Variants in NXNL2 observed in about 807,000 individuals in gnomAD.
NXNL2 encodes the protein nucleoredoxin-like protein 2.
In NXNL2, 7 loss-of-function variants were observed where a neutral mutation model predicts 11.1. The ratio of observed to expected loss-of-function variants is 0.63; its 90% CI spans 0.36 to 1.18. The LOEUF is 1.18. Ranked by LOEUF, NXNL2 falls within the 50% of genes most tolerant of loss-of-function variation. NXNL2 has a pLI of 0.02. For missense variants in NXNL2, 233 were observed against 217.7 expected, an observed-to-expected ratio of 1.07 and a Z score of -0.44; for synonymous variants, 109 against 101.8, an observed-to-expected ratio of 1.07 and a Z score of -0.42.
intron 1 of NXNL2, among the ~76,000 whole-genome samples, chr9:88,566,995 T>TCTATCTAC (rs1554706807): frequency 5.6e-4 from 84 of 150,402 alleles, no homozygotes; most frequent in South Asian, 4.7e-3. Flanking sequence ...TATCTATCTA[T>TCTATCTAC]CTATCTATCT....
At chr9:88,552,472 T>TG (rs1554705640) in intron 1 of NXNL2, among the ~76,000 whole-genome samples, 2 of 128,038 alleles carry the variant, frequency 1.6e-5, no homozygotes, top group African/African-American at 3.6e-5. Flanking sequence ...TAAACATGCA[T>TG]GTTTTTTTTT....
rs563758266 is a variant in NXNL2, at chr9:88,565,585, T to C, written c.303-5502T>C. 1.4e-3 allele frequency among the ~76,000 whole-genome samples: 206 copies of C among 152,338 alleles called. 2 individuals carry two copies. Among genetic ancestry groups the C allele is most frequent in the African/African-American group, 4.5e-3 (188 of 41,584 alleles). On this transcript the variant is annotated intron_variant, in intron 1 of 2. Coordinates refer to the NXNL2 transcript ENST00000375855. ...GAGTCCTTCTCTGTCTTGCCCAGGC[T>C]GGAGTGCAGTGGCATGATCTTGGCT... is the stretch of plus-strand genomic sequence containing the variant.
chr9:88,540,437 G>C (rs534803502), intron 1 of NXNL2, among the ~76,000 whole-genome samples: 1 of 151,116 alleles, frequency 6.6e-6, no homozygotes, highest in Admixed American at 6.6e-5. Flanking sequence ...GACCTGTCCA[G>C]GCTCCATCTG....
downstream of NXNL2, among the ~76,000 whole-genome samples, chr9:88,580,000 T>A (rs775563339): frequency 6.6e-6 from 1 of 151,640 alleles, no homozygotes; most frequent in African/African-American, 2.4e-5. Flanking sequence ...ATTAGCCGGG[T>A]GTGGTGGCAC....
chr9:88,535,833 C>G (rs947573037), intron 1 of NXNL2, 97 bp downstream of exon 1: 12 of 907,452 alleles, frequency 1.3e-5, no homozygotes, highest in Non-Finnish European at 1.9e-5. Flanking sequence ...TTTATGACGC[C>G]CCCCCCCAAC....
chr9:88,535,835 C>T (rs1462061588), intron 1 of NXNL2, 99 bp downstream of exon 1: 2 of 876,154 alleles, frequency 2.3e-6, no homozygotes, highest in African/African-American at 1.7e-5. Flanking sequence ...TATGACGCCC[C>T]CCCCCAACAC....
chr9:88,538,769 A>G (rs1829685858), intron 1 of NXNL2, among the ~76,000 whole-genome samples: 1 of 152,180 alleles, frequency 6.6e-6, no homozygotes, highest in South Asian at 2.1e-4. Flanking sequence ...CACAGTAAGA[A>G]CAGCTAGCAT....
intron 1 of NXNL2, among the ~76,000 whole-genome samples, chr9:88,550,466 TGTAAGG>T (rs1829915244): frequency 6.6e-6 from 1 of 152,160 alleles, no homozygotes; most frequent in African/African-American, 2.4e-5. Flanking sequence ...ATGGCTTACA[TGTAAGG>T]GTTTTTAAAG....
At chr9:88,550,961 C>G (rs2118457865) in intron 1 of NXNL2, among the ~76,000 whole-genome samples, 1 of 152,280 alleles carries the variant, frequency 6.6e-6, no homozygotes, top group Middle Eastern at 3.4e-3. Flanking sequence ...ATTTACTTCT[C>G]AAGGCTGGGT....
intron 1 of NXNL2, among the ~76,000 whole-genome samples, chr9:88,558,416 CT>C (rs900369758): frequency 2.6e-5 from 4 of 152,164 alleles, no homozygotes; most frequent in African/African-American, 9.7e-5. Context: ...CTCAGACATC[CT>C]TACATAATCT....
At chr9:88,580,507 T>G (rs1239736276), downstream of NXNL2, among the ~76,000 whole-genome samples, 1 of 152,208 alleles carries the variant, frequency 6.6e-6, no homozygotes, top group Non-Finnish European at 1.5e-5. Context: ...TGGTGGGAGC[T>G]TCTCTCTTTT....
rs189600569 is a variant in NXNL2, at chr9:88,572,064, C to T, written c.*16+856C>T. On this transcript the variant is annotated intron_variant, in intron 2 of 2. Coordinates refer to the NXNL2 transcript ENST00000375855. ...CACGTGCCCAGAGAAGGCGGTTTCT[C>T]CCTCCCTCAGTCCCCCATAGCCCAC... 4.5e-3 allele frequency among the ~76,000 whole-genome samples: 686 copies of T among 152,252 alleles called. 3 individuals carry two copies. Among genetic ancestry groups the T allele is most frequent in the Middle Eastern group, 0.017 (5 of 294 alleles).
intron 1 of NXNL2, among the ~76,000 whole-genome samples, chr9:88,581,709 G>A (rs1169977414): frequency 6.6e-6 from 1 of 152,132 alleles, no homozygotes. Flanking sequence ...GCCCACCTCG[G>A]CCTCCCAAAG....
chr9:88,548,263 C>A (rs1199226238), downstream of NXNL2, among the ~76,000 whole-genome samples: 1 of 138,012 alleles, frequency 7.2e-6, no homozygotes. Flanking sequence ...TGCTTGAACC[C>A]AGGAGGTGGA....
At chr9:88,559,858 G>C (rs897528285) in intron 1 of NXNL2, among the ~76,000 whole-genome samples, 1 of 152,194 alleles carries the variant, frequency 6.6e-6, no homozygotes, top group Non-Finnish European at 1.5e-5. Flanking sequence ...AAGCCACCAA[G>C]TGGCAGGTTT....
chr9:88,545,049 C>T (rs1829829355), downstream of NXNL2: 2 of 209,112 alleles, frequency 9.6e-6, no homozygotes, highest in Admixed American at 1.3e-4. Flanking sequence ...TGACAAATAC[C>T]ATGCTTAAAT....
chr9:88,556,131 G>T (rs115367543), intron 1 of NXNL2, among the ~76,000 whole-genome samples: 4,000 of 152,246 alleles, frequency 0.026, 188 homozygotes, highest in African/African-American at 0.088. Flanking sequence ...CGAGGTCTCG[G>T]CCCCCAGAGG....
chr9:88,561,231 C>T (rs1041060549), intron 1 of NXNL2, among the ~76,000 whole-genome samples: 1 of 152,126 alleles, frequency 6.6e-6, no homozygotes, highest in African/African-American at 2.4e-5. Flanking sequence ...CCTAGCCTCC[C>T]AGCCTACATC....
intron 1 of NXNL2, among the ~76,000 whole-genome samples, chr9:88,563,791 C>G (rs529152357): frequency 6.6e-6 from 1 of 152,280 alleles, no homozygotes; most frequent in East Asian, 1.9e-4. Flanking sequence ...TCCTTCCCCA[C>G]CTCTTTGCAG....
Sources: allele counts gnomAD v4.1 joint callset (sites outside exome capture counted in the v4.1 genomes callset), GRCh38; gene constraint gnomAD v4.1.1; transcripts MANE v1.5; gene names NCBI Gene and HGNC (gene_info 2026-07-23, HGNC 2026-07-21).